NOC3L: variants seen among roughly 807,000 people sequenced by gnomAD.
The protein encoded by NOC3L is NOC3 like DNA replication regulator, also known as nucleolar complex protein 3 homolog.
NOC3L carries 85 observed loss-of-function variants against 102.5 expected under a neutral mutation model. The ratio of observed to expected loss-of-function variants is 0.83; its 90% CI spans 0.70 to 0.99. The LOEUF is 0.99. Among genes scored for constraint, NOC3L ranks in the 50% least tolerant of loss-of-function variants. The pLI is 0.00. For synonymous variants in NOC3L, 303 were observed against 309.4 expected, an observed-to-expected ratio of 0.98 and a Z score of 0.22; for missense variants, 878 against 914.9, an observed-to-expected ratio of 0.96 and a Z score of 0.52.
intron 8 of NOC3L, among the ~76,000 whole-genome samples, chr10:94,351,940 C>A (rs1290584957): frequency 6.6e-6 from 1 of 152,098 alleles, no homozygotes; most frequent in Non-Finnish European, 1.5e-5. Context: ...AACAAAAATA[C>A]AACTACTTAC....
At chr10:94,323,443 A>G in the NOC3L span, among the ~76,000 whole-genome samples, 2 of 152,198 alleles carry the variant, frequency 1.3e-5, no homozygotes, top group Non-Finnish European at 2.9e-5. Flanking sequence ...TTTGTAAAAG[A>G]AAGATAAAAG....
intron 13 of NOC3L, 102 bp from the exon 14 acceptor site, chr10:94,341,847 C>A: frequency 4.9e-6 from 3 of 611,342 alleles, no homozygotes; most frequent in Non-Finnish European, 5.4e-6. Context: ...TTCTTTATTT[C>A]GAAATGTTAG....
chr10:94,335,079 C>T (rs928340347), intron 19 of NOC3L, among the ~76,000 whole-genome samples: 4 of 152,212 alleles, frequency 2.6e-5, no homozygotes, highest in Admixed American at 6.5e-5. Context: ...TCATTCTCCA[C>T]AGACTTAGAA....
the NOC3L span, among the ~76,000 whole-genome samples, chr10:94,320,207 A>G: frequency 6.6e-6 from 1 of 152,164 alleles, no homozygotes; most frequent in Non-Finnish European, 1.5e-5. Context: ...AACAGTATAC[A>G]TAGGATACAA....
In NOC3L at chr10:94,339,951, T is replaced by C. The variant is rs750979697; in HGVS notation, c.1781-31A>G. 1.9e-6 allele frequency: 3 copies of C among 1,574,256 alleles called. No individual in the cohort carries two copies. In the South Asian group the frequency reaches 3.5e-5, roughly 18 times the overall value. On this transcript the variant is annotated intron_variant, in intron 16 of 20. Coordinates refer to ENST00000371361, the MANE Select transcript of NOC3L (RefSeq NM_022451.11). ...ACAGCAGACATATTCTTCAGAGCTGTTCTCATTACTTTTTCATTACGCAAC... is the reference window on the plus strand; with the variant it reads ...ACAGCAGACATATTCTTCAGAGCTGCTCTCATTACTTTTTCATTACGCAAC...
At chr10:94,353,202 C>A in intron 6 of NOC3L, 145 bp from the exon 7 acceptor site, 1 of 634,234 alleles carries the variant, frequency 1.6e-6, no homozygotes. Context: ...CCAGACCCTG[C>A]TCACTTTACC....
chr10:94,358,261 T>C, intron 2 of NOC3L, 46 bp from the exon 3 acceptor site: 1 of 1,042,960 alleles, frequency 9.6e-7, no homozygotes, highest in Non-Finnish European at 1.5e-6. Flanking sequence ...GAAACAAGTA[T>C]CAGAGATGTA....
intron 2 of NOC3L, among the ~76,000 whole-genome samples, chr10:94,359,521 C>T (rs1376035960): frequency 6.6e-6 from 1 of 151,840 alleles, no homozygotes; most frequent in African/African-American, 2.4e-5. Flanking sequence ...GAATGGCACT[C>T]CTATCTACTT....
At chr10:94,339,127 G>A (rs1367435350) in intron 17 of NOC3L, among the ~76,000 whole-genome samples, 1 of 152,118 alleles carries the variant, frequency 6.6e-6, no homozygotes, top group African/African-American at 2.4e-5. Context: ...AGAAAAACCA[G>A]ACTGCCTACA....
intron 1 of NOC3L, 42 bp downstream of exon 1, chr10:94,362,788 G>C: frequency 6.2e-7 from 1 of 1,612,568 alleles, no homozygotes. Context: ...ATCACCCGAA[G>C]GGGCCCTAGG....
In NOC3L at chr10:94,349,471, T is replaced by C. The variant is rs546865144; in HGVS notation, c.1129-93A>G. 2.7e-6 allele frequency: 3 copies of C among 1,127,196 alleles called. No homozygotes were observed. The East Asian group carries it at 8.7e-5, about 33-fold the overall frequency. The allele number at this position is 1,127,196 out of a possible 1,614,324, so 69.8% of individuals were successfully genotyped here. ...AGAATTCTTTGTTGTAGGGGGACTG[T>C]CCTAGGATGTTTAAAAGCCTCCATG... On this transcript the variant is annotated intron_variant, in intron 9 of 20. Transcript: ENST00000371361.
intron 13 of NOC3L, 33 bp from the exon 14 acceptor site, chr10:94,341,778 T>C: frequency 2.4e-6 from 3 of 1,265,804 alleles, no homozygotes; most frequent in Non-Finnish European, 3.3e-6. Context: ...ATCAGTGAAC[T>C]AAAAGCAGAA....
chr10:94,339,987 T>G (rs1435079488), intron 16 of NOC3L, 67 bp from the exon 17 acceptor site: 2 of 1,372,496 alleles, frequency 1.5e-6, no homozygotes, highest in African/African-American at 2.9e-5. Context: ...TGGACTGAAC[T>G]TCAGATAAAC....
chr10:94,361,643 C>T (rs762816537), intron 2 of NOC3L, 22 bp downstream of exon 2: 6 of 1,602,070 alleles, frequency 3.7e-6, no homozygotes, highest in African/African-American at 2.7e-5. Context: ...GAAACCAGAG[C>T]ACATGATGTT....
chr10:94,319,559 A>G, the NOC3L span, among the ~76,000 whole-genome samples: 1 of 152,146 alleles, frequency 6.6e-6, no homozygotes, highest in Non-Finnish European at 1.5e-5. Flanking sequence ...CCTGTGGTCA[A>G]TGTGTCCTCT....
chr10:94,332,517 G>A (rs1009182252), downstream of NOC3L: 2 of 127,082 alleles, frequency 1.6e-5, no homozygotes, highest in African/African-American at 5.6e-5. Flanking sequence ...GTGTGTGTGT[G>A]TGTGTGTGTG....
At chr10:94,330,149 A>G (rs1370394780), downstream of NOC3L, 1 of 137,942 alleles carries the variant, frequency 7.2e-6, no homozygotes, top group East Asian at 2.0e-4. Context: ...GGTTTATCAC[A>G]TTTGATTCTG....
chr10:94,343,025 A>G (rs2054303600), intron 13 of NOC3L, among the ~76,000 whole-genome samples: 1 of 151,666 alleles, frequency 6.6e-6, no homozygotes, highest in Admixed American at 6.6e-5. Context: ...TGGAGGTTGT[A>G]GTCAGCTCAG....
Position 94,352,759 on chromosome 10 carries a change from T to C in NOC3L, c.858+137A>G, listed in dbSNP as rs1224726172. ...ATCACTTGAACCCGGAAGGCAGAGG[T>C]TGCAGTGAGCCAAGATCACGCCACT... On this transcript the variant is annotated intron_variant, in intron 7 of 20. Transcript: ENST00000371361. 4.3e-6 allele frequency: 3 copies of C among 698,220 alleles called. No homozygotes were observed. In the African/African-American group the frequency reaches 5.5e-5, roughly 13 times the overall value. 43.3% of individuals were successfully genotyped at this position (698,220 alleles called of 1,614,324 possible).
Sources: gnomAD v4.1 joint callset for allele counts (sites outside exome capture counted in the v4.1 genomes callset) on GRCh38, gnomAD v4.1.1 for gene constraint, MANE v1.5 for transcripts, NCBI Gene and HGNC (gene_info 2026-07-23, HGNC 2026-07-21) for gene names.